The following GEMIN5 variants were observed in gnomAD, a reference collection of about 807,000 sequenced individuals.
GEMIN5 encodes gem-associated protein 5.
In GEMIN5, 124 loss-of-function variants were observed where a neutral mutation model predicts 176.9. That is an observed-to-expected ratio of 0.70 (90% CI 0.61 to 0.81). The LOEUF (loss-of-function observed/expected upper bound fraction) is 0.81, where lower values mean the gene tolerates loss of function less well. GEMIN5 is among the 40% of genes least tolerant of loss of function. The pLI, the probability that GEMIN5 is intolerant of heterozygous loss-of-function variation, is 0.00. For synonymous variants in GEMIN5, 673 were observed against 665.2 expected, an observed-to-expected ratio of 1.01 and a Z score of -0.18; for missense variants, 1,843 against 1,814.6, an observed-to-expected ratio of 1.02 and a Z score of -0.28.
intron 5 of GEMIN5, 50 bp downstream of exon 5, chr5:154,931,408 C>T (rs759798298): frequency 1.9e-6 from 3 of 1,553,984 alleles, no homozygotes; most frequent in Non-Finnish European, 2.6e-6. Flanking sequence ...AAACCCTCTA[C>T]TTCCACCAGA....
chr5:154,892,225 TG>T (rs1296310020), intron 25 of GEMIN5, among the ~76,000 whole-genome samples, 161 bp downstream of exon 25: 2 of 152,218 alleles, frequency 1.3e-5, no homozygotes, highest in Non-Finnish European at 2.9e-5. Flanking sequence ...ACAGTATAGT[TG>T]TTCTTAAAAG....
At chr5:154,921,241 A>G in intron 10 of GEMIN5, 102 bp downstream of exon 10, 3 of 700,366 alleles carry the variant, frequency 4.3e-6, no homozygotes, top group South Asian at 3.2e-5. Context: ...ATAAGCAGTC[A>G]GTGCACTAGA....
chr5:154,927,279 A>C lies in GEMIN5; in HGVS notation c.1080+106T>G, dbSNP rs1350471663. 6 of 633,294 alleles carry C rather than the reference A, an allele frequency of 9.5e-6. No homozygotes were observed. The Admixed American group carries it at 1.3e-4, about 13-fold the overall frequency. 39.2% of individuals were successfully genotyped at this position (633,294 alleles called of 1,614,324 possible). On this transcript the variant is annotated intron_variant, in intron 7 of 27. Coordinates refer to ENST00000285873, the MANE Select transcript of GEMIN5 (RefSeq NM_015465.5). Reference sequence around the variant, plus strand: ...TAGCAGTAACTCTGAAATTGGAGTCAGGGGTGGAGTATTACGACTTGACAG... The same window carrying C: ...TAGCAGTAACTCTGAAATTGGAGTCCGGGGTGGAGTATTACGACTTGACAG...
chr5:154,913,535 C>G (rs1328897722), intron 13 of GEMIN5, among the ~76,000 whole-genome samples: 3 of 152,096 alleles, frequency 2.0e-5, no homozygotes, highest in Non-Finnish European at 4.4e-5. Flanking sequence ...TTTAAAAAGT[C>G]TGGCTTGGCC....
rs547115330 is a variant in GEMIN5 at position 154,919,346 on chromosome 5, GTAAGGAAA to G, written c.1599+613_1599+620del. Among the ~76,000 whole-genome samples, 38 of 152,102 alleles carry G rather than the reference GTAAGGAAA, an allele frequency of 2.5e-4. No homozygotes were observed. The South Asian group carries it at 7.9e-3, about 32-fold the overall frequency. On this transcript the variant is annotated intron_variant, in intron 11 of 27. Transcript: ENST00000285873. ...GACTCTGTCACACACACAAAAAAGG[GTAAGGAAA>G]TAAGGAAATCTCAACATTTAAGGTA...
intron 3 of GEMIN5, among the ~76,000 whole-genome samples, chr5:154,934,902 C>G (rs1207490688): frequency 6.6e-6 from 1 of 152,212 alleles, no homozygotes. Flanking sequence ...ACCACTCTGA[C>G]TTATGCCTCA....
At position 154,891,547 on chromosome 5, in the gene GEMIN5, T is replaced by C; in HGVS notation, c.3956A>G (p.Asp1319Gly). The C allele has an allele frequency of 6.2e-7, 1 of 1,614,138 alleles. No homozygotes were observed. Among genetic ancestry groups the C allele is most frequent in the Non-Finnish European group, 8.5e-7 (1 of 1,179,998 alleles). The change falls in exon 26 of 28, where the codon GAC becomes GGC. Residue 1319 changes from aspartate (D) to glycine (G), a missense_variant. Asp to Gly is a moderately conservative substitution (Grantham distance 94, BLOSUM62 -1). Transcript: ENST00000285873. ...GTCCGTTTCTTCAGTGCTGGCAGTGTCTAACTGCTGGCTTGGCTCAACAGA... is the reference window on the plus strand; with the variant it reads ...GTCCGTTTCTTCAGTGCTGGCAGTGCCTAACTGCTGGCTTGGCTCAACAGA... ...TLSVEPSQQL[D>G]TASTEETDPE...
chr5:154,926,020 C>A lies in GEMIN5; in HGVS notation c.1135G>T (p.Gly379Cys). The A allele has an allele frequency of 6.2e-7, 1 of 1,613,744 alleles. No homozygotes were observed. The highest frequency in any genetic ancestry group is 8.5e-7 in the Non-Finnish European group (1 of 1,179,754). ...AAAGCCAGGCTGTATGCAAACCCAC[C>A]AAGGGAAGGAAGGGTCCAGCTGCAC... Reference protein sequence around the residue: ...LECSWTLPSLGGFAYSLAFSS... With the variant: ...LECSWTLPSLCGFAYSLAFSS... The change falls in exon 8 of 28, where the codon GGT (glycine) becomes TGT (cysteine). Residue 379 changes from glycine (G) to cysteine (C), a missense_variant. By Grantham distance (159) the Gly-to-Cys change is radical. Transcript: ENST00000285873.
At chr5:154,923,318 T>C (rs1335432230) in intron 9 of GEMIN5, among the ~76,000 whole-genome samples, 1 of 152,010 alleles carries the variant, frequency 6.6e-6, no homozygotes, top group Admixed American at 6.6e-5. Context: ...AGGCGAAGGT[T>C]TTGGTGAGCT....
At chr5:154,923,745 G>A (rs868097209) in intron 9 of GEMIN5, among the ~76,000 whole-genome samples, 1 of 152,174 alleles carries the variant, frequency 6.6e-6, no homozygotes, top group African/African-American at 2.4e-5. Flanking sequence ...TGTTCAATAA[G>A]GTAGCCATTA....
At chr5:154,892,683 C>T (rs940683717) in intron 24 of GEMIN5, 134 bp from the exon 25 acceptor site, 46 of 823,848 alleles carry the variant, frequency 5.6e-5, no homozygotes, top group Middle Eastern at 3.6e-4. Context: ...CTCTTGTCTC[C>T]GCCACCCATT....
At chr5:154,931,020 T>C (rs572833578) in intron 5 of GEMIN5, among the ~76,000 whole-genome samples, 4 of 152,368 alleles carry the variant, frequency 2.6e-5, no homozygotes, top group South Asian at 4.1e-4. Context: ...AGCTAAATGA[T>C]TGAGGGGCTC....
chr5:154,904,586 CAG>C lies in GEMIN5; in HGVS notation c.2551_2552del (p.Leu851GlufsTer30), dbSNP rs745735884. 2 of 1,612,154 alleles carry C rather than the reference CAG, an allele frequency of 1.2e-6. No individual in the cohort carries two copies. The highest frequency in any genetic ancestry group is 1.7e-6 in the Non-Finnish European group (2 of 1,178,298). ...TGGATCTGTGGTCCAGGCTTGTACT[CAG>C]GGGAAGCAAGGAACGAGCTTTTCTC... ...KKRKARSLLP[L>X]STSLDHRSKE... On this transcript the variant is annotated frameshift_variant, in exon 18 of 28. Coordinates refer to ENST00000285873, the MANE Select transcript of GEMIN5 (RefSeq NM_015465.5). LOFTEE classifies it high-confidence loss of function.
At chr5:154,902,160 C>T (rs2113468171) in intron 20 of GEMIN5, among the ~76,000 whole-genome samples, 1 of 151,884 alleles carries the variant, frequency 6.6e-6, no homozygotes, top group South Asian at 2.1e-4. Flanking sequence ...GACTAGAATA[C>T]ACTGGCTATT....
Position 154,911,822 on chromosome 5 carries a change from G to T in GEMIN5, c.2072C>A (p.Ser691Tyr). ...HRGRLLCVAW[S>Y]PLDPDCIYSG... Reference sequence around the variant, plus strand: ...ATAGATGCAGTCTGGATCCAAAGGAGACCATGCCACACAAAGCAGTCGACC... The same window carrying T: ...ATAGATGCAGTCTGGATCCAAAGGATACCATGCCACACAAAGCAGTCGACC... Residue 691 changes from serine to tyrosine, a missense_variant, in exon 15 of 28, where the codon TCT becomes TAT. Coordinates refer to ENST00000285873, the MANE Select transcript of GEMIN5 (RefSeq NM_015465.5). The T allele has an allele frequency of 6.2e-7, 1 of 1,613,886 alleles. No individual in the cohort carries two copies.
intron 5 of GEMIN5, among the ~76,000 whole-genome samples, chr5:154,931,107 A>T (rs891290425): frequency 2.3e-4 from 35 of 152,244 alleles, no homozygotes; most frequent in African/African-American, 8.0e-4. Context: ...TTGTGCATTA[A>T]AAGCTCTAAC....
chr5:154,920,249 T>C (rs1483969003), intron 10 of GEMIN5, 146 bp from the exon 11 acceptor site: 1 of 540,968 alleles, frequency 1.8e-6, no homozygotes, highest in Non-Finnish European at 3.1e-6. Context: ...ATAAAATCAC[T>C]GTTCTTTCCA....
Position 154,924,509 on chromosome 5 carries a change from C to T in GEMIN5, c.1339G>A (p.Asp447Asn). The T allele has an allele frequency of 1.2e-6, 2 of 1,612,632 alleles. No individual in the cohort carries two copies. Among genetic ancestry groups the T allele is most frequent in the African/African-American group, 1.3e-5 (1 of 75,040 alleles). ...TKEGCLAFGT[D>N]DGKVGLYDTY... Reference sequence around the variant, plus strand: ...TCATACAATCCCACTTTTCCATCATCAGTTCCAAAAGCTAAGCAACCTTCC... The same window carrying T: ...TCATACAATCCCACTTTTCCATCATTAGTTCCAAAAGCTAAGCAACCTTCC... The change falls in exon 9 of 28, where the codon GAT (aspartate) becomes AAT (asparagine). Residue 447 changes from aspartate (D) to asparagine (N), a missense_variant. Physicochemically the swap from Asp to Asn is conservative, Grantham distance 23. Transcript: ENST00000285873.
chr5:154,888,249 C>T lies in GEMIN5; in HGVS notation c.4488G>A (p.Thr1496=), dbSNP rs778890420. 1.1e-5 allele frequency: 18 copies of T among 1,614,002 alleles called. No individual in the cohort carries two copies. The highest frequency in any genetic ancestry group is 5.3e-5 in the African/African-American group (4 of 74,892). ...AQELLQKYGN[T]KTYRRHCQTF... is the part of the protein sequence containing the mutation. ...TCTGGCAGTGTCTTCTGTAAGTTTTCGTGTTGCCGTATTTCTGAAGGAGCT... is the reference window on the plus strand; with the variant it reads ...TCTGGCAGTGTCTTCTGTAAGTTTTTGTGTTGCCGTATTTCTGAAGGAGCT... The change falls in exon 28 of 28, where the codon ACG becomes ACA. Residue 1496 remains threonine (T), a synonymous_variant. Coordinates refer to ENST00000285873, the MANE Select transcript of GEMIN5 (RefSeq NM_015465.5).
Sources: allele counts gnomAD v4.1 joint callset (sites outside exome capture counted in the v4.1 genomes callset), GRCh38; gene constraint gnomAD v4.1.1; transcripts MANE v1.5; gene names NCBI Gene and HGNC (gene_info 2026-07-23, HGNC 2026-07-21).